C1GALT1: variants seen among roughly 807,000 people sequenced by gnomAD.
The protein encoded by C1GALT1 is glycoprotein-N-acetylgalactosamine 3-beta-galactosyltransferase 1.
In C1GALT1, 11 loss-of-function variants were observed where a neutral mutation model predicts 31.0. The ratio of observed to expected loss-of-function variants is 0.36; its 90% CI spans 0.22 to 0.59. The LOEUF (loss-of-function observed/expected upper bound fraction) is 0.59, where lower values mean the gene tolerates loss of function less well. C1GALT1 is among the 20% of genes least tolerant of loss of function. The pLI is 0.79. For missense variants in C1GALT1, 424 were observed against 425.2 expected (o/e 1.00, Z 0.03); for synonymous variants, 175 against 143.6 (o/e 1.22, Z -1.56).
At chr7:7,190,998 G>A (rs1178938173) in intron 1 of C1GALT1, among the ~76,000 whole-genome samples, 1 of 151,516 alleles carries the variant, frequency 6.6e-6, no homozygotes. Context: ...TACATACAAA[G>A]TTTACCATCA....
chr7:7,193,767 A>G (rs952142166), intron 1 of C1GALT1, among the ~76,000 whole-genome samples: 4 of 152,162 alleles, frequency 2.6e-5, no homozygotes, highest in African/African-American at 9.7e-5. Context: ...TGCTTTTGGC[A>G]GTATGATCAT....
rs1783907973 is a variant in C1GALT1, at chr7:7,247,798, T to C, written c.*4071T>C. ...AAATGCTGCCTTCACAAGGTTAATTTGGCTGTTAATAGTGATTAGAATTTT... is the reference window on the plus strand; with the variant it reads ...AAATGCTGCCTTCACAAGGTTAATTCGGCTGTTAATAGTGATTAGAATTTT... On this transcript the variant is annotated 3_prime_UTR_variant, in exon 4 of 4. Transcript: ENST00000436587. 6.6e-6 allele frequency: 1 copy of C among 152,074 alleles called. No individual in the cohort carries two copies. The highest frequency in any genetic ancestry group is 2.4e-5 in the African/African-American group (1 of 41,444). 9.4% of individuals were successfully genotyped at this position (152,074 alleles called of 1,614,324 possible).
intron 1 of C1GALT1, among the ~76,000 whole-genome samples, chr7:7,199,674 G>A (rs200376145): frequency 3.3e-5 from 5 of 152,126 alleles, no homozygotes; most frequent in African/African-American, 7.2e-5. Flanking sequence ...TGTGGGAGTC[G>A]AAGTCTCTTT....
intron 2 of C1GALT1, among the ~76,000 whole-genome samples, chr7:7,163,354 A>G (rs1039020773): frequency 1.3e-5 from 2 of 152,160 alleles, no homozygotes; most frequent in Non-Finnish European, 2.9e-5. Context: ...CCCACAGCCA[A>G]TATCATACTC....
chr7:7,159,632 A>G (rs1031756009), intron 2 of C1GALT1, among the ~76,000 whole-genome samples: 4 of 152,152 alleles, frequency 2.6e-5, no homozygotes, highest in Non-Finnish European at 5.9e-5. Flanking sequence ...ATGAAGGTGT[A>G]TGAATTCTAA....
At chr7:7,198,035 C>G (rs1240469265) in intron 1 of C1GALT1, among the ~76,000 whole-genome samples, 3 of 152,186 alleles carry the variant, frequency 2.0e-5, no homozygotes, top group African/African-American at 7.2e-5. Context: ...GTTTCTTTCT[C>G]TTGCCTGATT....
chr7:7,190,337 A>G (rs914989717), intron 1 of C1GALT1, among the ~76,000 whole-genome samples: 12 of 152,166 alleles, frequency 7.9e-5, no homozygotes, highest in African/African-American at 2.9e-4. Flanking sequence ...TACATGTGGA[A>G]TGTTGTGTCT....
At chr7:7,160,506 G>A (rs988040633) in intron 2 of C1GALT1, among the ~76,000 whole-genome samples, 11 of 152,086 alleles carry the variant, frequency 7.2e-5, no homozygotes, top group Middle Eastern at 3.2e-3. Flanking sequence ...GAGAAAGGAG[G>A]CTACACTGCT....
At chr7:7,191,310 A>G (rs12164111) in intron 1 of C1GALT1, among the ~76,000 whole-genome samples, 36,772 of 152,068 alleles carry the variant, frequency 0.24, 4,982 homozygotes, top group East Asian at 0.42. Flanking sequence ...TGTAGCATAT[A>G]TCAGAATTTC....
At chr7:7,171,679 CTTT>C (rs1456721523) in intron 2 of C1GALT1, among the ~76,000 whole-genome samples, 3 of 151,870 alleles carry the variant, frequency 2.0e-5, no homozygotes, top group Non-Finnish European at 2.9e-5. Context: ...TTATTGCCTT[CTTT>C]TATGTTTAGT....
intron 1 of C1GALT1, among the ~76,000 whole-genome samples, chr7:7,216,556 G>T (rs56331533): frequency 0.14 from 20,862 of 152,070 alleles, 1,685 homozygotes; most frequent in East Asian, 0.37. Context: ...TCCTTTAACG[G>T]AGGCAATGTG....
intron 1 of C1GALT1, among the ~76,000 whole-genome samples, chr7:7,204,646 G>A (rs1301297877): frequency 1.3e-5 from 2 of 151,936 alleles, no homozygotes; most frequent in Admixed American, 1.3e-4. Flanking sequence ...GTAAAAATAG[G>A]TTCTTGAATT....
upstream of C1GALT1, among the ~76,000 whole-genome samples, chr7:7,177,732 G>C (rs1163604609): frequency 6.6e-6 from 1 of 152,154 alleles, no homozygotes. Flanking sequence ...TTCCTGAAAG[G>C]TCTCCATGGT....
chr7:7,204,097 G>GT (rs74853892), intron 1 of C1GALT1, among the ~76,000 whole-genome samples: 51,154 of 129,266 alleles, frequency 0.4, 10,036 homozygotes, highest in East Asian at 0.78. Flanking sequence ...CTCCTCTTCT[G>GT]TTTTTTTTTT....
intron 1 of C1GALT1, among the ~76,000 whole-genome samples, chr7:7,183,382 G>T (rs1003312051): frequency 2.6e-5 from 4 of 152,234 alleles, no homozygotes; most frequent in African/African-American, 2.4e-5. Context: ...CTTGGGTCTA[G>T]CTTGGATCAT....
chr7:7,173,315 A>G (rs1202355410), intron 2 of C1GALT1, among the ~76,000 whole-genome samples: 15 of 151,900 alleles, frequency 9.9e-5, no homozygotes, highest in Non-Finnish European at 2.2e-4. Flanking sequence ...ACCTTCTGCC[A>G]TGATTGCAAG....
intron 1 of C1GALT1, among the ~76,000 whole-genome samples, chr7:7,184,264 C>T (rs1350637394): frequency 6.6e-6 from 1 of 152,190 alleles, no homozygotes; most frequent in Non-Finnish European, 1.5e-5. Context: ...GAAAGTATGA[C>T]TCATTTAAAA....
chr7:7,195,099 T>C (rs1331194227), intron 1 of C1GALT1, among the ~76,000 whole-genome samples: 2 of 152,204 alleles, frequency 1.3e-5, no homozygotes, highest in East Asian at 3.8e-4. Context: ...ATTTTGTTTA[T>C]CTTTTCAAAG....
At chr7:7,207,181 C>T (rs530993875) in intron 1 of C1GALT1, among the ~76,000 whole-genome samples, 1 of 151,996 alleles carries the variant, frequency 6.6e-6, no homozygotes, top group Admixed American at 6.6e-5. Flanking sequence ...ATTGTTCTCT[C>T]TTCAAGTTCA....
Sources: allele counts gnomAD v4.1 joint callset (sites outside exome capture counted in the v4.1 genomes callset), GRCh38; gene constraint gnomAD v4.1.1; transcripts MANE v1.5; gene names NCBI Gene and HGNC (gene_info 2026-07-23, HGNC 2026-07-21).